Variants in RBM34 observed in about 807,000 individuals in gnomAD.
RBM34 encodes the protein RNA-binding protein 34.
In RBM34, 39 loss-of-function variants were observed where a neutral mutation model predicts 44.6. The ratio of observed to expected loss-of-function variants is 0.87; its 90% CI spans 0.68 to 1.14. RBM34 has a LOEUF of 1.14. Among genes scored for constraint, RBM34 ranks in the 50% most tolerant of loss-of-function variants. The pLI, the probability that RBM34 is intolerant of heterozygous loss-of-function variation, is 0.00. For synonymous variants in RBM34, 194 were observed against 184.0 expected (o/e 1.05, Z -0.44); for missense variants, 572 against 517.9 (o/e 1.10, Z -1.01).
intron 4 of RBM34, among the ~76,000 whole-genome samples, chr1:235,153,708 G>A (rs1662270808): frequency 1.3e-5 from 2 of 152,144 alleles, no homozygotes. Flanking sequence ...TTACAGGTGT[G>A]GGCCACCACG....
chr1:235,147,982 G>A (rs1661976946), intron 6 of RBM34, among the ~76,000 whole-genome samples: 1 of 152,150 alleles, frequency 6.6e-6, no homozygotes, highest in African/African-American at 2.4e-5. Flanking sequence ...GCCACCACCA[G>A]TGTGGTCCAA....
At chr1:235,140,079 C>T (rs1024283921) in intron 6 of RBM34, among the ~76,000 whole-genome samples, 20 of 152,244 alleles carry the variant, frequency 1.3e-4, no homozygotes, top group African/African-American at 4.8e-4. Flanking sequence ...GTGGGAAAGG[C>T]ACAAAGCCCC....
At chr1:235,137,593 T>A (rs1340509543) in intron 8 of RBM34, among the ~76,000 whole-genome samples, 1 of 151,286 alleles carries the variant, frequency 6.6e-6, no homozygotes, top group African/African-American at 2.4e-5. Context: ...CTCAGGCTGC[T>A]CTTAACTCCT....
At chr1:235,134,427 C>G (rs905122934) in intron 10 of RBM34, among the ~76,000 whole-genome samples, 5 of 152,170 alleles carry the variant, frequency 3.3e-5, no homozygotes, top group African/African-American at 1.2e-4. Flanking sequence ...CTCCAAAGTG[C>G]TGGGATTACA....
chr1:235,158,445 G>A (rs1348389170), intron 3 of RBM34, among the ~76,000 whole-genome samples: 2 of 151,342 alleles, frequency 1.3e-5, no homozygotes, highest in African/African-American at 2.4e-5. Context: ...AAAAAAAAAC[G>A]AGGGATAAGG....
At chr1:235,143,344 G>A (rs75289042) in intron 6 of RBM34, among the ~76,000 whole-genome samples, 4,630 of 152,294 alleles carry the variant, frequency 0.03, 244 homozygotes, top group African/African-American at 0.11. Context: ...CTGGCAATCC[G>A]ACCAGGCAGT....
At chr1:235,134,937 T>C (rs1661353569) in intron 10 of RBM34, among the ~76,000 whole-genome samples, 1 of 151,180 alleles carries the variant, frequency 6.6e-6, no homozygotes, top group East Asian at 1.9e-4. Context: ...AGAGATGGGG[T>C]TTCTCCATGT....
At chr1:235,137,766 T>C (rs556209590) in intron 8 of RBM34, 111 bp downstream of exon 8, 355 of 805,154 alleles carry the variant, frequency 4.4e-4, no homozygotes, top group African/African-American at 2.8e-3. Context: ...GGCTGTTTCC[T>C]TCTGCGCTTC....
chr1:235,158,287 G>T (rs1488818135), intron 3 of RBM34, among the ~76,000 whole-genome samples: 4 of 151,886 alleles, frequency 2.6e-5, no homozygotes, highest in African/African-American at 4.8e-5. Flanking sequence ...TGTGGTGGTG[G>T]GCGCCTGTAA....
chr1:235,132,727 A>T (rs1661269139), intron 10 of RBM34, among the ~76,000 whole-genome samples: 1 of 152,098 alleles, frequency 6.6e-6, no homozygotes, highest in Admixed American at 6.6e-5. Flanking sequence ...TGGACTAGAC[A>T]CCCTCTAGGG....
intron 3 of RBM34, chr1:235,160,226 T>C (rs1311152922): frequency 3.8e-6 from 2 of 526,682 alleles, no homozygotes; most frequent in East Asian, 4.8e-5. Flanking sequence ...TACTGCAGCC[T>C]GGGCGTGGCA....
chr1:235,155,000 C>T lies in RBM34; in HGVS notation c.478G>A (p.Asp160Asn), dbSNP rs746674830. Reference protein sequence around the residue: ...VKVADRKILDDTEDTVVSQRK... With the variant: ...VKVADRKILDNTEDTVVSQRK... ...TGACTGACAACTGTGTCTTCTGTGT[C>T]ATCAAGTATTTTTCTATCTGCTACT... The change falls in exon 4 of 11, where the codon GAC becomes AAC. Residue 160 changes from aspartate (D) to asparagine (N), a missense_variant. Physicochemically the swap from Asp to Asn is conservative, Grantham distance 23 (BLOSUM62 1). Transcript: ENST00000408888. The T allele has an allele frequency of 3.1e-6, 5 of 1,614,008 alleles. No homozygotes were observed. In the East Asian group the frequency reaches 8.9e-5, roughly 29 times the overall value.
At chr1:235,138,008 T>C in intron 7 of RBM34, 68 bp from the exon 8 acceptor site, 1 of 1,539,238 alleles carries the variant, frequency 6.5e-7, no homozygotes. Flanking sequence ...ACATCTATGC[T>C]AAAGTGAAAC....
At chr1:235,143,474 G>A (rs1266112721) in intron 6 of RBM34, among the ~76,000 whole-genome samples, 2 of 152,174 alleles carry the variant, frequency 1.3e-5, no homozygotes, top group Non-Finnish European at 2.9e-5. Context: ...GATGGCTCAC[G>A]CCTATAATCC....
chr1:235,161,219 A>T lies in RBM34; in HGVS notation c.8T>A (p.Leu3Ter), dbSNP rs773435782. The stretch of plus-strand genomic sequence containing the variant: ...TCTCTTCCGTTTGCTCATCCCTTCC[A>T]AGGCCATTCTTACTCCAAAGACTCC... MA[L>*]EGMSKRKRKR... is the part of the protein sequence containing the mutation. The change falls in exon 1 of 11, where the codon TTG becomes TAG. Residue 3 changes from leucine (L) to a stop codon, truncating the protein, a stop_gained. Transcript: ENST00000408888. LOFTEE classifies it high-confidence loss of function. The T allele has an allele frequency of 6.2e-7, 1 of 1,612,954 alleles. No homozygotes were observed. The highest frequency in any genetic ancestry group is 8.5e-7 in the Non-Finnish European group (1 of 1,179,598).
intron 6 of RBM34, among the ~76,000 whole-genome samples, chr1:235,144,499 TAA>T (rs67277220): frequency 5.3e-5 from 7 of 132,198 alleles, no homozygotes; most frequent in Admixed American, 7.6e-5. Context: ...CTTAATAAAC[TAA>T]AAAAAAAAAA....
In RBM34 at chr1:235,135,829, A is replaced by C; in HGVS notation, c.890-59T>G. 4.1e-6 allele frequency: 6 copies of C among 1,456,064 alleles called. No individual in the cohort carries two copies. In the South Asian group the frequency reaches 6.9e-5, roughly 17 times the overall value. 90.2% of individuals were successfully genotyped at this position (1,456,064 alleles called of 1,614,324 possible). On this transcript the variant is annotated intron_variant, in intron 9 of 10. Coordinates refer to ENST00000408888, the MANE Select transcript of RBM34 (RefSeq NM_015014.4). The stretch of plus-strand genomic sequence containing the variant: ...AGTTGGGAGCCCCTCAGAAACATGG[A>C]GTTGTTTAATAATACAGCTAGTTAA...
chr1:235,159,422 C>T (rs1384672903), intron 3 of RBM34, among the ~76,000 whole-genome samples: 2 of 151,508 alleles, frequency 1.3e-5, no homozygotes, highest in Non-Finnish European at 2.9e-5. Context: ...TGATGGCGCG[C>T]CCATAGTCCC....
At chr1:235,154,419 C>T (rs925005495) in intron 4 of RBM34, among the ~76,000 whole-genome samples, 1 of 151,620 alleles carries the variant, frequency 6.6e-6, no homozygotes, top group African/African-American at 2.4e-5. Flanking sequence ...CAAAAATTAG[C>T]CAGGCACGGT....
Sources: allele counts gnomAD v4.1 joint callset (sites outside exome capture counted in the v4.1 genomes callset), GRCh38; gene constraint gnomAD v4.1.1; transcripts MANE v1.5; gene names NCBI Gene and HGNC (gene_info 2026-07-23, HGNC 2026-07-21).